The following NHS variants were observed in gnomAD, a reference collection of about 807,000 sequenced individuals.
NHS encodes the protein NHS actin remodeling regulator, also known as actin remodeling regulator NHS.
Under a neutral mutation model 72.5 loss-of-function variants are expected in NHS, and 5 were observed. The observed-to-expected ratio is 0.07, with a 90% confidence interval of 0.04 to 0.14. The LOEUF is 0.14. NHS is among the 10% of genes least tolerant of loss of function. The probability of loss-of-function intolerance (pLI) is 1.00; values close to 1 mark genes in which losing one functional copy is unlikely to be tolerated. For missense variants in NHS, 1,072 were observed against 1,355.7 expected (o/e 0.79, Z 3.29); for synonymous variants, 464 against 547.7 (o/e 0.85, Z 2.13).
At chrX:17,478,824 G>A (rs922067304) in intron 1 of NHS, among the ~76,000 whole-genome samples, 2 of 112,096 alleles carry the variant, frequency 1.8e-5, no homozygotes, top group Non-Finnish European at 3.8e-5. Flanking sequence ...TAGCCACTTA[G>A]GGGTATTGAG....
intron 1 of NHS, among the ~76,000 whole-genome samples, chrX:17,541,488 G>A (rs932325950): frequency 5.4e-5 from 6 of 111,837 alleles, no homozygotes; most frequent in African/African-American, 2.0e-4. Context: ...AGCCCACTCT[G>A]CAATGCAGGG....
At chrX:17,561,301 C>T (rs1394105833) in intron 1 of NHS, among the ~76,000 whole-genome samples, 1 of 111,733 alleles carries the variant, frequency 8.9e-6, no homozygotes, top group Non-Finnish European at 1.9e-5. Context: ...ATTTCCCTAG[C>T]TCTTTCCTCA....
chrX:17,445,762 G>T (rs1315929036), intron 1 of NHS, among the ~76,000 whole-genome samples: 2 of 102,050 alleles, frequency 2.0e-5, no homozygotes, highest in African/African-American at 3.6e-5. Flanking sequence ...AAAAAGGGGG[G>T]GGGGACTCTG....
At chrX:17,724,541 G>T (rs762153646) in intron 6 of NHS, 111 bp downstream of exon 6, 2 of 1,020,723 alleles carry the variant, frequency 2.0e-6, no homozygotes, top group Admixed American at 4.9e-5. Context: ...TTTTAAAATG[G>T]TGTCTATTTG....
chrX:17,536,304 G>A (rs1276839937), intron 1 of NHS, among the ~76,000 whole-genome samples: 6 of 112,480 alleles, frequency 5.3e-5, no homozygotes, highest in South Asian at 3.6e-4. Context: ...GCAGTGAGCC[G>A]AGATCGCGCC....
intron 1 of NHS, among the ~76,000 whole-genome samples, chrX:17,412,625 A>T (rs183789133): frequency 3.0e-4 from 34 of 111,484 alleles, no homozygotes; most frequent in African/African-American, 1.1e-3. Context: ...GAGAGAGAAA[A>T]CAAAGGCAGC....
chrX:17,454,884 G>A (rs1005802165), intron 1 of NHS, among the ~76,000 whole-genome samples: 1 of 111,784 alleles, frequency 8.9e-6, no homozygotes, highest in African/African-American at 3.3e-5. Context: ...GTTTGTTTCT[G>A]TGCCTAGAAT....
At chrX:17,592,889 A>G (rs1319606669) in intron 1 of NHS, among the ~76,000 whole-genome samples, 3 of 111,258 alleles carry the variant, frequency 2.7e-5, no homozygotes, top group South Asian at 3.8e-4. Flanking sequence ...TGGTTGTTAC[A>G]TGTGTGTGAT....
intron 1 of NHS, among the ~76,000 whole-genome samples, chrX:17,569,110 G>C (rs1297936465): frequency 2.7e-5 from 3 of 111,771 alleles, no homozygotes; most frequent in South Asian, 3.7e-4. Flanking sequence ...ATTGTGAATA[G>C]TGCTGCAATA....
chrX:17,486,369 A>G (rs920431365), intron 1 of NHS, among the ~76,000 whole-genome samples: 27 of 112,206 alleles, frequency 2.4e-4, no homozygotes, highest in African/African-American at 7.8e-4. Flanking sequence ...TTCAGTGGCA[A>G]GTATCTATTG....
intron 1 of NHS, among the ~76,000 whole-genome samples, chrX:17,610,530 G>A (rs1256079364): frequency 9.0e-6 from 1 of 111,637 alleles, no homozygotes; most frequent in Non-Finnish European, 1.9e-5. Context: ...TGGATATTTG[G>A]AGGGGCTAAT....
At chrX:17,722,444 G>T (rs1219416006) in intron 5 of NHS, among the ~76,000 whole-genome samples, 2 of 111,812 alleles carry the variant, frequency 1.8e-5, no homozygotes, top group Admixed American at 1.9e-4. Context: ...GCCATGTTAT[G>T]ACTGATTTTC....
At chrX:17,661,789 C>G (rs927010495) in intron 1 of NHS, among the ~76,000 whole-genome samples, 1 of 112,129 alleles carries the variant, frequency 8.9e-6, no homozygotes, top group African/African-American at 3.2e-5. Flanking sequence ...ACAGCTGCAT[C>G]CCTCTTTGGG....
chrX:17,494,599 C>A (rs954580725), intron 1 of NHS, among the ~76,000 whole-genome samples: 1 of 111,600 alleles, frequency 9.0e-6, no homozygotes, highest in Non-Finnish European at 1.9e-5. Flanking sequence ...ACTTCTGTAC[C>A]CTTTCTCCTT....
intron 1 of NHS, among the ~76,000 whole-genome samples, chrX:17,520,950 A>G (rs953662908): frequency 9.0e-6 from 1 of 111,164 alleles, no homozygotes; most frequent in Non-Finnish European, 1.9e-5. Flanking sequence ...CCCACCCCAG[A>G]CCCACTGAGT....
intron 1 of NHS, among the ~76,000 whole-genome samples, chrX:17,627,909 C>T (rs1269334596): frequency 1.8e-5 from 2 of 112,374 alleles, no homozygotes; most frequent in African/African-American, 3.2e-5. Context: ...GGCTTGATTT[C>T]CATTAAAATG....
chrX:17,638,854 G>C (rs772047877), intron 1 of NHS, among the ~76,000 whole-genome samples: 2 of 111,461 alleles, frequency 1.8e-5, no homozygotes, highest in Non-Finnish European at 3.8e-5. Context: ...TGCATGTCTT[G>C]GGCAGAGGGC....
At chrX:17,543,101 T>G in intron 1 of NHS, among the ~76,000 whole-genome samples, 1 of 111,629 alleles carries the variant, frequency 9.0e-6, no homozygotes, top group Non-Finnish European at 1.9e-5. Context: ...AAAATGCAGA[T>G]TTCTGAGCCC....
intron 1 of NHS, among the ~76,000 whole-genome samples, chrX:17,523,730 A>G (rs1483242315): frequency 1.8e-5 from 2 of 111,826 alleles, no homozygotes; most frequent in African/African-American, 6.5e-5. Context: ...TCACACCTCA[A>G]TAAAAGCCCA....
Sources: gnomAD v4.1 joint callset for allele counts (sites outside exome capture counted in the v4.1 genomes callset) on GRCh38, gnomAD v4.1.1 for gene constraint, MANE v1.5 for transcripts, NCBI Gene and HGNC (gene_info 2026-07-23, HGNC 2026-07-21) for gene names.